The following NUP214 variants were observed in gnomAD, a reference collection of about 807,000 sequenced individuals.
NUP214 encodes the protein nucleoporin 214.
In NUP214, 79 loss-of-function variants were observed where a neutral mutation model predicts 196.2. The observed-to-expected ratio is 0.40, with a 90% CI of 0.34 to 0.49. The LOEUF (loss-of-function observed/expected upper bound fraction) is 0.49. Ranked by LOEUF, NUP214 falls within the 20% of genes least tolerant of loss-of-function variation. The probability of loss-of-function intolerance (pLI) is 0.58; values close to 1 mark genes in which losing one functional copy is unlikely to be tolerated. For synonymous variants in NUP214, 1,020 were observed against 990.5 expected (o/e 1.03, Z -0.56); for missense variants, 2,468 against 2,539.0 (o/e 0.97, Z 0.60).
intron 30 of NUP214, among the ~76,000 whole-genome samples, chr9:131,206,795 G>A (rs1482755598): frequency 6.6e-6 from 1 of 152,192 alleles, no homozygotes; most frequent in Admixed American, 6.5e-5. Flanking sequence ...TCAGCTCCAT[G>A]TATAACTAAC....
chr9:131,224,690 G>A (rs943234720), intron 32 of NUP214, among the ~76,000 whole-genome samples: 5 of 152,090 alleles, frequency 3.3e-5, no homozygotes, highest in Admixed American at 6.5e-5. Context: ...TCTTTCTTTG[G>A]TTGCTAGTTG....
At chr9:131,221,461 G>A (rs1438732865) in intron 31 of NUP214, among the ~76,000 whole-genome samples, 1 of 152,186 alleles carries the variant, frequency 6.6e-6, no homozygotes, top group Non-Finnish European at 1.5e-5. Flanking sequence ...ATTGCATCTG[G>A]ACGTATTAAC....
rs1255031198 is a variant in NUP214 at position 131,209,307 on chromosome 9, G to T, written c.5593-5905G>T. The stretch of plus-strand genomic sequence containing the variant: ...GTGGGAGGATCACTTGAGCTCGGGA[G>T]GTCAAGGCTGCTGCAGTGAGCTATG... On this transcript the variant is annotated intron_variant, in intron 30 of 35. Coordinates refer to ENST00000359428, the MANE Select transcript of NUP214 (RefSeq NM_005085.4). Among the ~76,000 whole-genome samples the T allele has an allele frequency of 3.9e-5, 6 of 152,190 alleles. No individual in the cohort carries two copies. The East Asian group carries it at 1.2e-3, about 29-fold the overall frequency.
chr9:131,195,406 C>G lies in NUP214; in HGVS notation c.3721+112C>G, dbSNP rs745651949. 2.9e-5 allele frequency: 24 copies of G among 818,546 alleles called. No individual in the cohort carries two copies. In the Admixed American group the frequency reaches 3.6e-4, roughly 12 times the overall value. 50.7% of individuals were successfully genotyped at this position (818,546 alleles called of 1,614,324 possible). A position where few individuals can be genotyped will look rare whatever the true frequency, so the allele number is the denominator to read the frequency against. On this transcript the variant is annotated intron_variant, in intron 28 of 35. Coordinates refer to ENST00000359428, the MANE Select transcript of NUP214 (RefSeq NM_005085.4). Reference sequence around the variant, plus strand: ...TGTTCCTGAATCTTACTTACAGTATCTGCAATAAGCTCAGTGTTGATAATG... The same window carrying G: ...TGTTCCTGAATCTTACTTACAGTATGTGCAATAAGCTCAGTGTTGATAATG...
Position 131,125,638 on chromosome 9 carries a change from G to C in NUP214, c.-67G>C. ...AGGGGAGGAAGTTTGCTGTCGAGCG[G>C]CCTGGGTTCCGTGGGCAAGGCCGTG... On this transcript the variant is annotated 5_prime_UTR_variant, in exon 1 of 36. Coordinates refer to ENST00000359428, the MANE Select transcript of NUP214 (RefSeq NM_005085.4). The surrounding 1 kb of genome is among the most constrained non-coding windows in gnomAD (Gnocchi z 4.1). 1 of 1,547,686 alleles carries C rather than the reference G, an allele frequency of 6.5e-7. No individual in the cohort carries two copies. The highest frequency in any genetic ancestry group is 8.7e-7 in the Non-Finnish European group (1 of 1,144,930).
chr9:131,133,645 T>G (rs1440076884), intron 7 of NUP214: 1 of 152,984 alleles, frequency 6.5e-6, no homozygotes, highest in Non-Finnish European at 1.5e-5. Context: ...ATTATGCAAC[T>G]TCAGGTATAA....
intron 27 of NUP214, among the ~76,000 whole-genome samples, chr9:131,194,973 T>C (rs527280617): frequency 1.3e-5 from 2 of 152,320 alleles, no homozygotes; most frequent in African/African-American, 4.8e-5. Context: ...AAACTTCTGC[T>C]ACAGAAAGCC....
At chr9:131,137,592 T>C (rs1831772602) in intron 9 of NUP214, among the ~76,000 whole-genome samples, 1 of 150,754 alleles carries the variant, frequency 6.6e-6, no homozygotes, top group Non-Finnish European at 1.5e-5. Context: ...AAGTCTCACT[T>C]TGTCACCCAG....
chr9:131,155,982 G>A (rs1362943459), intron 17 of NUP214, among the ~76,000 whole-genome samples: 1 of 151,984 alleles, frequency 6.6e-6, no homozygotes, highest in Admixed American at 6.6e-5. Flanking sequence ...AGTTTTATAT[G>A]AATTTTAGGA....
intron 30 of NUP214, among the ~76,000 whole-genome samples, chr9:131,206,781 G>A (rs1470510098): frequency 6.6e-6 from 1 of 152,162 alleles, no homozygotes; most frequent in African/African-American, 2.4e-5. Flanking sequence ...AAAAGGAGCA[G>A]ATTTCAGCTC....
intron 18 of NUP214, among the ~76,000 whole-genome samples, chr9:131,160,356 T>G (rs1832592143): frequency 2.0e-5 from 3 of 152,386 alleles, no homozygotes; most frequent in Admixed American, 2.0e-4. Flanking sequence ...TCTGTATATT[T>G]CAAATTTTCT....
chr9:131,198,674 G>A lies in NUP214; in HGVS notation c.5180G>A (p.Gly1727Glu), dbSNP rs1323118590. The change falls in exon 29 of 36, where the codon GGG (glycine) becomes GAG (glutamate). Residue 1727 changes from glycine (G) to glutamate (E), a missense_variant. By Grantham distance (98) the Gly-to-Glu change is moderately conservative (BLOSUM62 -2). Transcript: ENST00000359428. ...GGGGTCTTTGGACAGACAACCTTCG[G>A]GCAGGCCTCAGTCTTTGGGCAGTCG... ...APGVFGQTTFGQASVFGQSAS... is the reference protein window; with the variant it reads ...APGVFGQTTFEQASVFGQSAS... The A allele has an allele frequency of 1.9e-6, 3 of 1,614,196 alleles. No individual in the cohort carries two copies. The highest frequency in any genetic ancestry group is 2.5e-6 in the Non-Finnish European group (3 of 1,180,028).
chr9:131,175,510 C>T lies in NUP214; in HGVS notation c.3208C>T (p.Leu1070Phe). 1 of 1,614,218 alleles carries T rather than the reference C, an allele frequency of 6.2e-7. No homozygotes were observed. Among genetic ancestry groups the T allele is most frequent in the Non-Finnish European group, 8.5e-7 (1 of 1,180,020 alleles). ...IIPQGADSTM[L>F]ATKTVKHGAP... The stretch of plus-strand genomic sequence containing the variant: ...TCCTCAAGGGGCCGATAGCACAATG[C>T]TTGCCACGAAAACCGTGAAACATGG... The change falls in exon 23 of 36, where the codon CTT (leucine) becomes TTT (phenylalanine). Residue 1070 changes from leucine (L) to phenylalanine (F), a missense_variant. Leu to Phe is a conservative substitution (Grantham distance 22). Coordinates refer to ENST00000359428, the MANE Select transcript of NUP214 (RefSeq NM_005085.4).
At position 131,135,880 on chromosome 9, in the gene NUP214, A is replaced by G. The variant is rs949477713; in HGVS notation, c.939-60A>G. 4 of 1,391,592 alleles carry G rather than the reference A, an allele frequency of 2.9e-6. No individual in the cohort carries two copies. The Admixed American group carries it at 7.1e-5, about 25-fold the overall frequency. 86.2% of individuals were successfully genotyped at this position (1,391,592 alleles called of 1,614,324 possible). On this transcript the variant is annotated intron_variant, in intron 8 of 35. Coordinates refer to ENST00000359428, the MANE Select transcript of NUP214 (RefSeq NM_005085.4). Reference sequence around the variant, plus strand: ...CCTCACAGGTGTTACCTGCAGACCCAGGTTAGCTTAGAACTATTGCTGTAT... The same window carrying G: ...CCTCACAGGTGTTACCTGCAGACCCGGGTTAGCTTAGAACTATTGCTGTAT...
At chr9:131,142,302 A>G (rs1483234611) in intron 11 of NUP214, among the ~76,000 whole-genome samples, 2 of 152,236 alleles carry the variant, frequency 1.3e-5, no homozygotes, top group African/African-American at 4.8e-5. Flanking sequence ...GCTGGAGCAC[A>G]ATCAGAGGCC....
At chr9:131,138,005 T>A (rs1261164701) in intron 9 of NUP214, among the ~76,000 whole-genome samples, 1 of 152,220 alleles carries the variant, frequency 6.6e-6, no homozygotes. Flanking sequence ...GTCTGTAGAC[T>A]GTTTTTAAAA....
intron 7 of NUP214, 127 bp downstream of exon 7, chr9:131,133,336 A>C (rs1831619054): frequency 1.8e-6 from 1 of 557,412 alleles, no homozygotes; most frequent in Non-Finnish European, 3.0e-6. Flanking sequence ...ACAAGATCTC[A>C]CTCTGTCGCC....
At position 131,196,046 on chromosome 9, in the gene NUP214, A is replaced by G. The variant is rs574084688; in HGVS notation, c.3721+752A>G. On this transcript the variant is annotated intron_variant, in intron 28 of 35. Coordinates refer to ENST00000359428, the MANE Select transcript of NUP214 (RefSeq NM_005085.4). ...TGTGTCCCCCCCCCCCCCCGCGCCA[A>G]AAAATCCATCAATAGCATGTTTTTA... Among the ~76,000 whole-genome samples the G allele has an allele frequency of 5.8e-3, 253 of 43,532 alleles. 10 individuals carry two copies. The highest frequency in any genetic ancestry group is 0.019 in the African/African-American group (249 of 12,810). The allele number at this position is 43,532 out of a possible 152,430, so 28.6% of individuals were successfully genotyped here. A position where few individuals can be genotyped will look rare whatever the true frequency, so the allele number is the denominator to read the frequency against.
intron 14 of NUP214, among the ~76,000 whole-genome samples, chr9:131,149,448 G>A (rs966140073): frequency 1.3e-5 from 2 of 149,452 alleles, no homozygotes; most frequent in African/African-American, 4.9e-5. Flanking sequence ...CCCAAGCCCC[G>A]AAGCATCCTA....
Sources: gnomAD v4.1 joint callset for allele counts (sites outside exome capture counted in the v4.1 genomes callset) on GRCh38, gnomAD v4.1.1 for gene constraint, Gnocchi (gnomAD v3.1) non-coding constraint, MANE v1.5 for transcripts, NCBI Gene and HGNC (gene_info 2026-07-23, HGNC 2026-07-21) for gene names.